The following KDM4C variants were observed in gnomAD, a reference collection of about 807,000 sequenced individuals.
KDM4C encodes lysine-specific demethylase 4C.
In KDM4C, 81 loss-of-function variants were observed where a neutral mutation model predicts 129.3. The observed-to-expected ratio is 0.63, with a 90% confidence interval of 0.52 to 0.75. KDM4C has a LOEUF of 0.75. KDM4C is among the 30% of genes least tolerant of loss of function. The pLI is 0.00. For synonymous variants in KDM4C, 573 were observed against 456.1 expected (o/e 1.26, Z -3.26); for missense variants, 1,457 against 1,304.0 (o/e 1.12, Z -1.81).
chr9:6,721,586 C>CTT (rs59463106), intron 1 of KDM4C, among the ~76,000 whole-genome samples: 10 of 127,244 alleles, frequency 7.9e-5, no homozygotes, highest in South Asian at 2.5e-4. Flanking sequence ...GCCCGGCCCT[C>CTT]TTTTTTTTTT....
chr9:7,040,474 T>A (rs1042702279), intron 15 of KDM4C, among the ~76,000 whole-genome samples: 10 of 151,900 alleles, frequency 6.6e-5, no homozygotes, highest in African/African-American at 1.9e-4. Context: ...ACCCAGGTAT[T>A]TTTGGAGTTC....
rs554173624 is a variant in KDM4C, at chr9:6,775,072, A to G, written c.-18+16869A>G. 5.9e-5 allele frequency among the ~76,000 whole-genome samples: 9 copies of G among 152,302 alleles called. No individual in the cohort carries two copies. The South Asian group carries it at 1.7e-3, about 28-fold the overall frequency. On this transcript the variant is annotated intron_variant, in intron 1 of 21. Coordinates refer to ENST00000381309, the MANE Select transcript of KDM4C (RefSeq NM_015061.6). ...GTTGCCCAGGTCAGAGTGCAAGTGC[A>G]GTGGCACAATCTTGTCTCACTGCAA...
At chr9:6,724,454 G>T (rs1817057594) in intron 1 of KDM4C, among the ~76,000 whole-genome samples, 1 of 152,126 alleles carries the variant, frequency 6.6e-6, no homozygotes. Context: ...AGAAGGTAAT[G>T]CTCAGCGAGC....
chr9:6,741,016 G>C (rs1817676809), intron 1 of KDM4C, among the ~76,000 whole-genome samples: 1 of 151,434 alleles, frequency 6.6e-6, no homozygotes, highest in South Asian at 2.1e-4. Flanking sequence ...GTAGAGATAG[G>C]GTTTCACTAT....
chr9:6,830,327 G>T (rs1834604078), intron 4 of KDM4C, among the ~76,000 whole-genome samples: 1 of 152,112 alleles, frequency 6.6e-6, no homozygotes, highest in South Asian at 2.1e-4. Flanking sequence ...CTTGCCCAAG[G>T]GTAGAGAGCA....
At chr9:7,007,148 T>C (rs538002793) in intron 12 of KDM4C, among the ~76,000 whole-genome samples, 12 of 152,338 alleles carry the variant, frequency 7.9e-5, no homozygotes, top group African/African-American at 2.6e-4. Context: ...CTGCTTATGT[T>C]TCCTTATTTA....
At chr9:6,740,831 A>ATTG (rs35650309) in intron 1 of KDM4C, among the ~76,000 whole-genome samples, 85,416 of 150,844 alleles carry the variant, frequency 0.57, 24,568 homozygotes, top group African/African-American at 0.69. Context: ...TAGTATAATT[A>ATTG]TTTTCTTTTT....
intron 5 of KDM4C, among the ~76,000 whole-genome samples, chr9:6,879,632 A>G (rs10815474): frequency 0.36 from 54,210 of 152,032 alleles, 11,106 homozygotes; most frequent in Middle Eastern, 0.55. Context: ...TCAACCAACC[A>G]CAAAACGAAA....
chr9:7,054,187 G>T (rs7031179), intron 17 of KDM4C, among the ~76,000 whole-genome samples: 1 of 152,118 alleles, frequency 6.6e-6, no homozygotes, highest in East Asian at 1.9e-4. Flanking sequence ...TACTGAGGAC[G>T]TTTCCTTCTC....
chr9:6,919,577 A>G (rs1563813246), intron 8 of KDM4C, among the ~76,000 whole-genome samples: 5 of 150,014 alleles, frequency 3.3e-5, no homozygotes, highest in Non-Finnish European at 3.0e-5. Flanking sequence ...CTATCTATCT[A>G]TCTATCTATC....
At chr9:7,043,208 A>G (rs1828878300) in intron 15 of KDM4C, among the ~76,000 whole-genome samples, 2 of 152,020 alleles carry the variant, frequency 1.3e-5, no homozygotes, top group South Asian at 2.1e-4. Context: ...GGCTTTCAAT[A>G]CATGTCTCTG....
At chr9:6,865,243 C>T (rs535117343) in intron 5 of KDM4C, among the ~76,000 whole-genome samples, 3 of 152,206 alleles carry the variant, frequency 2.0e-5, no homozygotes, top group South Asian at 2.1e-4. Context: ...CTCCTGACCT[C>T]GTGATCCGAC....
chr9:6,954,595 A>G (rs895867236), intron 8 of KDM4C, among the ~76,000 whole-genome samples: 1 of 152,134 alleles, frequency 6.6e-6, no homozygotes, highest in African/African-American at 2.4e-5. Flanking sequence ...TATATATGTT[A>G]ATAATGTGCA....
At chr9:7,119,743 C>G (rs1325337204) in intron 18 of KDM4C, among the ~76,000 whole-genome samples, 5 of 152,084 alleles carry the variant, frequency 3.3e-5, no homozygotes, top group African/African-American at 2.4e-5. Context: ...AGTAGGGCTT[C>G]ACAAAGTAGC....
chr9:7,153,571 C>T lies in KDM4C; in HGVS notation c.2782-11667C>T, dbSNP rs142322871. On this transcript the variant is annotated intron_variant, in intron 19 of 21. Coordinates refer to ENST00000381309, the MANE Select transcript of KDM4C (RefSeq NM_015061.6). ...CTTTTTGAGGAGGATGGTTTTGCAG[C>T]TGGGCCTTTGCATGGTGTGGGAAGT... 3.9e-3 allele frequency among the ~76,000 whole-genome samples: 588 copies of T among 152,232 alleles called. 3 individuals are homozygous for T. Among genetic ancestry groups the T allele is most frequent in the African/African-American group, 0.014 (568 of 41,550 alleles).
intron 6 of KDM4C, among the ~76,000 whole-genome samples, chr9:6,885,620 C>CAAA (rs35373004): frequency 7.4e-6 from 1 of 135,812 alleles, no homozygotes; most frequent in Non-Finnish European, 1.6e-5. Context: ...TTAAAAAAGA[C>CAAA]AAAAAAAAAA....
intron 4 of KDM4C, among the ~76,000 whole-genome samples, chr9:6,843,805 TAATC>T (rs1243210772): frequency 6.6e-6 from 1 of 152,232 alleles, no homozygotes; most frequent in Non-Finnish European, 1.5e-5. Flanking sequence ...AGTTTACTAA[TAATC>T]TATTTTTTGT....
intron 8 of KDM4C, among the ~76,000 whole-genome samples, chr9:6,955,768 C>G (rs1415659283): frequency 6.6e-6 from 1 of 152,214 alleles, no homozygotes; most frequent in Non-Finnish European, 1.5e-5. Flanking sequence ...AAAATACACA[C>G]TCTGTATCAA....
chr9:6,760,267 G>A (rs757957587), intron 1 of KDM4C, among the ~76,000 whole-genome samples: 18 of 151,900 alleles, frequency 1.2e-4, no homozygotes, highest in Non-Finnish European at 5.9e-5. Context: ...GTTCATCCAT[G>A]TTGCAGCCTG....
Sources: gnomAD v4.1 joint callset for allele counts (sites outside exome capture counted in the v4.1 genomes callset) on GRCh38, gnomAD v4.1.1 for gene constraint, MANE v1.5 for transcripts, NCBI Gene and HGNC (gene_info 2026-07-23, HGNC 2026-07-21) for gene names.